The following SH2D1A variants were observed in gnomAD, a reference collection of about 807,000 sequenced individuals.
SH2D1A encodes the protein SH2 domain-containing protein 1A.
In SH2D1A, 6 loss-of-function variants were observed where a neutral mutation model predicts 10.1. That is an observed-to-expected ratio of 0.60 (90% CI 0.33 to 1.18). The LOEUF (loss-of-function observed/expected upper bound fraction) is 1.18. Ranked by LOEUF, SH2D1A falls within the 50% of genes most tolerant of loss-of-function variation. The probability of loss-of-function intolerance (pLI) is 0.04; values close to 1 mark genes in which losing one functional copy is unlikely to be tolerated. For missense variants in SH2D1A, 51 were observed against 97.6 expected, an observed-to-expected ratio of 0.52 and a Z score of 2.01; for synonymous variants, 42 against 36.9, an observed-to-expected ratio of 1.14 and a Z score of -0.51.
At chrX:124,361,021 C>T (rs1297128069) in intron 1 of SH2D1A, among the ~76,000 whole-genome samples, 1 of 111,229 alleles carries the variant, frequency 9.0e-6, no homozygotes, top group African/African-American at 3.3e-5. Context: ...ACAACATAAA[C>T]CTAATAGGAT....
chrX:124,366,452 T>C lies in SH2D1A; in HGVS notation c.201+628T>C, dbSNP rs777082382. ...TGAAAAGTAAATAAGATAACACACA[T>C]AAAGAAGCTGTTTGCCACAAGGCCT... On this transcript the variant is annotated intron_variant, in intron 2 of 3. Transcript: ENST00000371139. 4.5e-5 allele frequency among the ~76,000 whole-genome samples: 5 copies of C among 111,156 alleles called. No homozygotes were observed. The South Asian group carries it at 1.9e-3, about 43-fold the overall frequency.
Position 124,358,410 on chromosome X carries a change from C to T in SH2D1A, c.138-7351C>T, listed in dbSNP as rs544303426. On this transcript the variant is annotated intron_variant, in intron 1 of 3. Transcript: ENST00000371139. ...TTATATAACTTGCCAGTTTGAATAG[C>T]GATTTTCCATGGACAGGGACAGAGT... Among the ~76,000 whole-genome samples the T allele has an allele frequency of 2.5e-4, 28 of 111,797 alleles. No individual in the cohort carries two copies. In the South Asian group the frequency reaches 0.01, roughly 42 times the overall value.
chrX:124,358,357 A>C (rs1276249949), intron 1 of SH2D1A, among the ~76,000 whole-genome samples: 2 of 112,090 alleles, frequency 1.8e-5, no homozygotes, highest in Non-Finnish European at 3.8e-5. Flanking sequence ...TTATGCAGTC[A>C]AAAATATGTA....
chrX:124,360,594 C>A (rs1603238258), intron 1 of SH2D1A, among the ~76,000 whole-genome samples: 1 of 66,359 alleles, frequency 1.5e-5, no homozygotes. Context: ...CAGAGCAAGA[C>A]ACCATTAAAA....
intron 1 of SH2D1A, among the ~76,000 whole-genome samples, chrX:124,350,605 TATATTGTATATAAG>T: frequency 1.9e-5 from 1 of 53,133 alleles, no homozygotes; most frequent in African/African-American, 8.3e-5. Flanking sequence ...GAATATATTA[TATATTGTATATAAG>T]ATAATATATT....
At chrX:124,351,071 A>G (rs1022287265) in intron 1 of SH2D1A, among the ~76,000 whole-genome samples, 8 of 92,513 alleles carry the variant, frequency 8.6e-5, no homozygotes, top group Non-Finnish European at 1.7e-4. Flanking sequence ...ATATATTTTT[A>G]TATATATTAT....
chrX:124,362,545 T>C (rs908608779), intron 1 of SH2D1A, among the ~76,000 whole-genome samples: 5 of 111,919 alleles, frequency 4.5e-5, no homozygotes, highest in South Asian at 3.7e-4. Context: ...GCTTGTCTGG[T>C]TTCATAGTTT....
At chrX:124,356,117 T>C (rs776958412) in intron 1 of SH2D1A, among the ~76,000 whole-genome samples, 6 of 99,247 alleles carry the variant, frequency 6.0e-5, no homozygotes, top group Admixed American at 2.3e-4. Flanking sequence ...AGTGTTCTAA[T>C]TGTTCAATTC....
At chrX:124,350,701 G>GAT (rs1448795457) in intron 1 of SH2D1A, among the ~76,000 whole-genome samples, 11 of 16,789 alleles carry the variant, frequency 6.6e-4, no homozygotes, top group Admixed American at 8.4e-4. Context: ...TTGTATATAA[G>GAT]ATAATATATT....
chrX:124,360,889 A>G (rs1486804615), intron 1 of SH2D1A, among the ~76,000 whole-genome samples: 1 of 111,278 alleles, frequency 9.0e-6, no homozygotes, highest in Non-Finnish European at 1.9e-5. Flanking sequence ...GGGGATCAGG[A>G]ACTGGGGATC....
chrX:124,356,863 T>A (rs2060027757), intron 1 of SH2D1A, among the ~76,000 whole-genome samples: 1 of 112,353 alleles, frequency 8.9e-6, no homozygotes, highest in Non-Finnish European at 1.9e-5. Context: ...TATTTATTTC[T>A]AAACTGGCAA....
In SH2D1A at chrX:124,373,002, T is replaced by C. The variant is rs1400426774; in HGVS notation, c.*1611T>C. ...GAGTTTAAATTGTAATAGGCGTAAC[T>C]AATTTTAACTCTATAATGTGTTCAT... On this transcript the variant is annotated 3_prime_UTR_variant, in exon 4 of 4. Transcript: ENST00000371139. The C allele has an allele frequency of 6.4e-6, 1 of 156,128 alleles. No homozygotes were observed. The highest frequency in any genetic ancestry group is 1.2e-5 in the Non-Finnish European group (1 of 80,171). 12.9% of individuals were successfully genotyped at this position (156,128 alleles called of 1,213,427 possible).
chrX:124,368,100 G>T (rs2060060368), intron 2 of SH2D1A, among the ~76,000 whole-genome samples: 1 of 111,476 alleles, frequency 9.0e-6, no homozygotes, highest in Admixed American at 9.5e-5. Flanking sequence ...TGTTAGCATG[G>T]ATAATCAAGT....
chrX:124,365,610 A>G (rs1162115173), intron 1 of SH2D1A, 151 bp from the exon 2 acceptor site: 2 of 441,680 alleles, frequency 4.5e-6, no homozygotes, highest in Non-Finnish European at 8.1e-6. Flanking sequence ...GAGACAAGTT[A>G]GATTCACTAT....
chrX:124,347,882 G>T (rs2059998036), intron 1 of SH2D1A, among the ~76,000 whole-genome samples: 1 of 109,581 alleles, frequency 9.1e-6, no homozygotes, highest in Non-Finnish European at 1.9e-5. Context: ...TTGTCAGCAG[G>T]ATAAAAAAAA....
intron 3 of SH2D1A, among the ~76,000 whole-genome samples, chrX:124,370,909 C>T (rs2060067705): frequency 1.8e-5 from 2 of 112,160 alleles, no homozygotes; most frequent in African/African-American, 6.5e-5. Flanking sequence ...AGACTGAATA[C>T]CAGCCAATGT....
intron 1 of SH2D1A, among the ~76,000 whole-genome samples, chrX:124,351,729 T>G (rs1325122766): frequency 9.0e-6 from 1 of 110,968 alleles, no homozygotes; most frequent in Non-Finnish European, 1.9e-5. Flanking sequence ...CCTCCCATGA[T>G]TTGGCTTTTT....
chrX:124,369,152 C>T (rs73543044), intron 2 of SH2D1A, among the ~76,000 whole-genome samples: 4,276 of 111,024 alleles, frequency 0.039, 213 homozygotes, highest in African/African-American at 0.13. Context: ...AGTCTTCATG[C>T]TCGCCTTCAT....
Position 124,346,771 on chromosome X carries a change from A to G in SH2D1A, c.129A>G (p.Leu43=), listed in dbSNP as rs1569527113. 5 of 1,211,206 alleles carry G rather than the reference A, an allele frequency of 4.1e-6. No homozygotes were observed. The highest frequency in any genetic ancestry group is 5.6e-6 in the Non-Finnish European group (5 of 895,116). The change falls in exon 1 of 4, where the codon CTA becomes CTG. Residue 43 remains leucine, a synonymous_variant. Coordinates refer to ENST00000371139, the MANE Select transcript of SH2D1A (RefSeq NM_002351.5). ...DSESVPGVYC[L]CVLYHGYIYT... ...AGAGCGTGCCAGGCGTGTACTGCCT[A>G]TGTGTGCTGTGAGTATGATACGGTG...
Sources: allele counts gnomAD v4.1 joint callset (sites outside exome capture counted in the v4.1 genomes callset), GRCh38; gene constraint gnomAD v4.1.1; transcripts MANE v1.5; gene names NCBI Gene and HGNC (gene_info 2026-07-23, HGNC 2026-07-21).